Variants in ERG observed in about 807,000 individuals in gnomAD.
ERG encodes the protein ETS transcription factor ERG, also known as transcriptional regulator ERG.
ERG carries 9 observed loss-of-function variants against 55.3 expected under a neutral mutation model. The observed-to-expected ratio is 0.16, with a 90% confidence interval of 0.10 to 0.28. The LOEUF (loss-of-function observed/expected upper bound fraction) is 0.28, where lower values mean the gene tolerates loss of function less well. ERG is among the 10% of genes least tolerant of loss of function. ERG has a pLI of 1.00. For missense variants in ERG, 434 were observed against 631.6 expected, an observed-to-expected ratio of 0.69 and a Z score of 3.35; for synonymous variants, 223 against 237.3, an observed-to-expected ratio of 0.94 and a Z score of 0.55.
intron 3 of ERG, among the ~76,000 whole-genome samples, chr21:38,412,382 A>G (rs1429475747): frequency 1.3e-5 from 2 of 152,160 alleles, no homozygotes; most frequent in African/African-American, 4.8e-5. Flanking sequence ...AACAAAATCT[A>G]AGTTTAATTA....
intron 1 of ERG, among the ~76,000 whole-genome samples, chr21:38,610,417 A>C (rs60674021): frequency 0.085 from 12,994 of 152,248 alleles, 1,101 homozygotes; most frequent in African/African-American, 0.22. Flanking sequence ...AAGAGCCCAG[A>C]CTCAGTCTCC....
chr21:38,573,165 G>A (rs372065489), intron 2 of ERG, among the ~76,000 whole-genome samples: 1 of 152,196 alleles, frequency 6.6e-6, no homozygotes. Context: ...TAAACCAGGG[G>A]CACAATGCAC....
At chr21:38,407,538 C>A in intron 3 of ERG, among the ~76,000 whole-genome samples, 1 of 150,716 alleles carries the variant, frequency 6.6e-6, no homozygotes, top group Admixed American at 6.6e-5. Context: ...TATATTTTCT[C>A]ATTTTTCTAT....
chr21:38,463,503 A>G (rs1382640935), intron 1 of ERG, among the ~76,000 whole-genome samples: 1 of 152,196 alleles, frequency 6.6e-6, no homozygotes, highest in East Asian at 1.9e-4. Context: ...TATCATGCAC[A>G]TGCAGTGCGT....
rs184578194 is a variant in ERG, at chr21:38,582,106, C to A, written c.-127+2738G>T. 1.1e-3 allele frequency among the ~76,000 whole-genome samples: 162 copies of A among 151,536 alleles called. 2 individuals carry two copies. The highest frequency in any genetic ancestry group is 3.6e-3 in the African/African-American group (149 of 41,158). The stretch of plus-strand genomic sequence containing the variant: ...GTACTTGGAATCCTTCCAGACCTTG[C>A]CCTGTGCACCTCTTCATCTGGTTGT... On this transcript the variant is annotated intron_variant, in intron 1 of 8. Transcript: ENST00000398897.
intron 3 of ERG, among the ~76,000 whole-genome samples, chr21:38,406,269 AG>A (rs1988770466): frequency 6.6e-6 from 1 of 152,040 alleles, no homozygotes; most frequent in Non-Finnish European, 1.5e-5. Context: ...ATGACAGAAA[AG>A]TGTACATATT....
intron 2 of ERG, among the ~76,000 whole-genome samples, chr21:38,428,396 GCAAA>G (rs547144524): frequency 6.6e-4 from 100 of 152,254 alleles, no homozygotes; most frequent in African/African-American, 1.9e-3. Context: ...AAAAGTTCCC[GCAAA>G]CAGCTTGGTA....
At chr21:38,406,931 A>G (rs1988801252) in intron 3 of ERG, among the ~76,000 whole-genome samples, 1 of 152,208 alleles carries the variant, frequency 6.6e-6, no homozygotes, top group African/African-American at 2.4e-5. Context: ...CCCCAGAGAC[A>G]AAGTCCTCAA....
intron 5 of ERG, 106 bp downstream of exon 5, chr21:38,402,451 G>A: frequency 1.3e-6 from 1 of 764,682 alleles, no homozygotes; most frequent in Non-Finnish European, 2.2e-6. Flanking sequence ...TCATCTACCT[G>A]CGTTCTGTCT....
In ERG at chr21:38,429,560, T is replaced by C. The variant is rs1324102640; in HGVS notation, c.237-5999A>G. On this transcript the variant is annotated intron_variant, in intron 2 of 9. Transcript: ENST00000288319. ...ATATATACATATGTGTATATGTACATGTATACACATGTACATATATACATA... is the reference window on the plus strand; with the variant it reads ...ATATATACATATGTGTATATGTACACGTATACACATGTACATATATACATA... Among the ~76,000 whole-genome samples the C allele has an allele frequency of 1.6e-4, 5 of 30,710 alleles. 1 individual carries two copies. The highest frequency in any genetic ancestry group is 2.3e-4 in the African/African-American group (3 of 12,956). The allele number at this position is 30,710 out of a possible 152,430, so 20.1% of individuals were successfully genotyped here.
rs2060330954 is a variant in ERG at position 38,627,332 on chromosome 21, CA to C, written c.-150+34325del. Among the ~76,000 whole-genome samples, 4 of 151,908 alleles carry C rather than the reference CA, an allele frequency of 2.6e-5. No individual in the cohort carries two copies. In the South Asian group the frequency reaches 8.3e-4, roughly 32 times the overall value. ...GGAAATGTTCGGTGAATCTGTAACC[CA>C]AAAAAAGGAAGCTTGAGTACCACTT... On this transcript the variant is annotated intron_variant, in intron 1 of 10. Transcript: ENST00000398910.
intron 2 of ERG, among the ~76,000 whole-genome samples, chr21:38,504,525 T>C (rs975150754): frequency 1.1e-4 from 17 of 152,266 alleles, no homozygotes; most frequent in African/African-American, 3.9e-4. Context: ...GTTCCAATTA[T>C]TAGGCTTCTC....
rs148029371 is a variant in ERG, at chr21:38,429,746, TAC to T, written c.237-6187_237-6186del. ...CTATATATATGTGTGTATATATATA[TAC>T]ACACACACACACACACCACATTTTC... is the stretch of plus-strand genomic sequence containing the variant. On this transcript the variant is annotated intron_variant, in intron 2 of 9. Coordinates refer to ENST00000288319, the MANE Select transcript of ERG (RefSeq NM_182918.4). 9.3e-5 allele frequency among the ~76,000 whole-genome samples: 10 copies of T among 107,920 alleles called. 1 individual carries two copies. The highest frequency in any genetic ancestry group is 3.0e-4 in the East Asian group (1 of 3,288). The allele number at this position is 107,920 out of a possible 152,430, so 70.8% of individuals were successfully genotyped here.
At chr21:38,544,137 G>A (rs574917116) in intron 2 of ERG, among the ~76,000 whole-genome samples, 57 of 152,238 alleles carry the variant, frequency 3.7e-4, no homozygotes, top group Non-Finnish European at 4.3e-4. Flanking sequence ...ATGATGGGTA[G>A]AACATTCCGG....
upstream of ERG, among the ~76,000 whole-genome samples, chr21:38,502,857 GCT>G (rs2059431363): frequency 6.9e-6 from 1 of 145,876 alleles, no homozygotes; most frequent in Non-Finnish European, 1.5e-5. Flanking sequence ...CTCCTGAGTA[GCT>G]GGGACTACAG....
downstream of ERG, among the ~76,000 whole-genome samples, chr21:38,376,366 C>T (rs567947791): frequency 1.3e-3 from 191 of 152,318 alleles, no homozygotes; most frequent in Non-Finnish European, 2.2e-3. Context: ...TTGTTACTCT[C>T]GCTCTCTCCC....
In ERG at chr21:38,404,000, C is replaced by A. The variant is rs149253626; in HGVS notation, c.389-291G>T. Reference sequence around the variant, plus strand: ...CTGTAGGCATAAGATTTTAAAAATTCTTTTTTCTCATTTATGTTCAATTTT... The same window carrying A: ...CTGTAGGCATAAGATTTTAAAAATTATTTTTTCTCATTTATGTTCAATTTT... On this transcript the variant is annotated intron_variant, in intron 3 of 9. Transcript: ENST00000288319. Among the ~76,000 whole-genome samples, 909 of 152,144 alleles carry A rather than the reference C, an allele frequency of 6.0e-3. 10 individuals are homozygous for A. Among genetic ancestry groups the A allele is most frequent in the African/African-American group, 0.021 (872 of 41,510 alleles).
At chr21:38,516,929 C>G (rs1404299984) in intron 2 of ERG, among the ~76,000 whole-genome samples, 1 of 152,038 alleles carries the variant, frequency 6.6e-6, no homozygotes, top group Non-Finnish European at 1.5e-5. Context: ...AAGAATAAAA[C>G]TGGACCTCTA....
chr21:38,536,039 C>T (rs1404717886), intron 2 of ERG, among the ~76,000 whole-genome samples: 82 of 152,218 alleles, frequency 5.4e-4, no homozygotes, highest in Non-Finnish European at 2.2e-4. Flanking sequence ...TTACATCTGA[C>T]GGCAAGTGTT....
Sources: allele counts gnomAD v4.1 joint callset (sites outside exome capture counted in the v4.1 genomes callset), GRCh38; gene constraint gnomAD v4.1.1; transcripts MANE v1.5; gene names NCBI Gene and HGNC (gene_info 2026-07-23, HGNC 2026-07-21).